Variants in ICMT observed in about 807,000 individuals in gnomAD.
The protein encoded by ICMT is isoprenylcysteine carboxyl methyltransferase.
ICMT carries 10 observed loss-of-function variants against 32.2 expected under a neutral mutation model. The observed-to-expected ratio is 0.31, with a 90% CI of 0.19 to 0.53. The LOEUF is 0.53. Among genes scored for constraint, ICMT ranks in the 20% least tolerant of loss-of-function variants. The pLI is 0.96. For synonymous variants in ICMT, 183 were observed against 158.2 expected (o/e 1.16, Z -1.18); for missense variants, 265 against 356.9 (o/e 0.74, Z 2.07).
rs1263064644 is a variant in ICMT at position 6,235,915 on chromosome 1, G to A, written c.-4C>T. The A allele has an allele frequency of 5.5e-6, 6 of 1,087,122 alleles. No homozygotes were observed. Among genetic ancestry groups the A allele is most frequent in the East Asian group, 5.3e-5 (1 of 18,852 alleles). The allele number at this position is 1,087,122 out of a possible 1,614,324, so 67.3% of individuals were successfully genotyped here. On this transcript the variant is annotated 5_prime_UTR_variant, in exon 1 of 5. Transcript: ENST00000343813. The stretch of plus-strand genomic sequence containing the variant: ...CCCGCGCCGCGCAGCCCGCCATGGC[G>A]CCGGGCGGCGGACTAGCGGGCGGCG...
intron 4 of ICMT, among the ~76,000 whole-genome samples, chr1:6,231,328 G>A (rs1668733086): frequency 6.6e-6 from 1 of 152,282 alleles, no homozygotes; most frequent in African/African-American, 2.4e-5. Flanking sequence ...GCTGCCACAT[G>A]AGTGACAGAG....
intron 1 of ICMT, 59 bp from the exon 2 acceptor site, chr1:6,235,033 T>C: frequency 7.1e-7 from 1 of 1,411,432 alleles, no homozygotes; most frequent in Non-Finnish European, 1.0e-6. Flanking sequence ...AGATCTGGGC[T>C]GCTGACCTTC....
In ICMT at chr1:6,226,201, G is replaced by C. The variant is rs1185200831; in HGVS notation, c.673-939C>G. Reference sequence around the variant, plus strand: ...ACCTGAGGTCAGGAGCTTGAGACAAGCTTGGCCAACATGGCGAATCCCCGT... The same window carrying C: ...ACCTGAGGTCAGGAGCTTGAGACAACCTTGGCCAACATGGCGAATCCCCGT... On this transcript the variant is annotated intron_variant, in intron 4 of 4. Coordinates refer to ENST00000343813, the MANE Select transcript of ICMT (RefSeq NM_012405.4). Among the ~76,000 whole-genome samples, 3 of 152,098 alleles carry C rather than the reference G, an allele frequency of 2.0e-5. No homozygotes were observed. The East Asian group carries it at 5.8e-4, about 29-fold the overall frequency.
Position 6,221,727 on chromosome 1 carries a change from C to A in ICMT, c.*3353G>T, listed in dbSNP as rs371754312. The A allele has an allele frequency of 6.6e-6, 1 of 152,306 alleles. No homozygotes were observed. The highest frequency in any genetic ancestry group is 1.5e-5 in the Non-Finnish European group (1 of 68,046). 9.4% of individuals were successfully genotyped at this position (152,306 alleles called of 1,614,324 possible). On this transcript the variant is annotated 3_prime_UTR_variant, in exon 5 of 5. Transcript: ENST00000343813. ...AAGCCTACTTTTTAGGCTCAAGGAG[C>A]AGCTCGTGAAGGGGTGGCAGGTGCG...
At chr1:6,226,638 A>G (rs1668649380) in intron 4 of ICMT, among the ~76,000 whole-genome samples, 2 of 152,326 alleles carry the variant, frequency 1.3e-5, no homozygotes, top group South Asian at 4.1e-4. Context: ...TTGAGCACTT[A>G]CTATGTTCCC....
intron 3 of ICMT, 89 bp downstream of exon 3, chr1:6,233,385 A>T: frequency 1.6e-6 from 2 of 1,219,224 alleles, no homozygotes; most frequent in Non-Finnish European, 2.3e-6. Context: ...GGGGGAGATT[A>T]GACCTGAAAG....
Position 6,235,880 on chromosome 1 carries a change from C to T in ICMT, c.32G>A (p.Gly11Asp). ...GGCGAGGCTGAGACGCGCCTCAGAGCCCGGCGGAGCCCGCGCCGCGCAGCC... is the reference window on the plus strand; with the variant it reads ...GGCGAGGCTGAGACGCGCCTCAGAGTCCGGCGGAGCCCGCGCCGCGCAGCC... MAGCAARAPPGSEARLSLATF... is the reference protein window; with the variant it reads MAGCAARAPPDSEARLSLATF... Residue 11 changes from glycine (G) to aspartate (D), a missense_variant, in exon 1 of 5, where the codon GGC becomes GAC. Around this residue, in one of 2 missense-constraint regions of ICMT, gnomAD observed 99 missense variants for 92.6 expected, o/e 1.07. Transcript: ENST00000343813. 1 of 1,141,698 alleles carries T rather than the reference C, an allele frequency of 8.8e-7. No individual in the cohort carries two copies. Among genetic ancestry groups the T allele is most frequent in the Non-Finnish European group, 1.1e-6 (1 of 931,724 alleles). 70.7% of individuals were successfully genotyped at this position (1,141,698 alleles called of 1,614,324 possible).
Position 6,235,862 on chromosome 1 carries a change from C to T in ICMT, c.50G>A (p.Ser17Asn), listed in dbSNP as rs767408689. ...RAPPGSEARL[S>N]LATFLLGASV... ...GGCGCCCAGCAGGAAGGTGGCGAGG[C>T]TGAGACGCGCCTCAGAGCCCGGCGG... is the stretch of plus-strand genomic sequence containing the variant. Residue 17 changes from serine (S) to asparagine (N), a missense_variant, in exon 1 of 5, where the codon AGC (serine) becomes AAC (asparagine). Ser to Asn is a conservative substitution (Grantham distance 46, BLOSUM62 1). Around this residue, in one of 2 missense-constraint regions of ICMT, gnomAD observed 99 missense variants for 92.6 expected, o/e 1.07. Transcript: ENST00000343813. 1 of 1,214,236 alleles carries T rather than the reference C, an allele frequency of 8.2e-7. No individual in the cohort carries two copies. The highest frequency in any genetic ancestry group is 4.3e-5 in the East Asian group (1 of 23,496). 75.2% of individuals were successfully genotyped at this position (1,214,236 alleles called of 1,614,324 possible).
At position 6,223,858 on chromosome 1, in the gene ICMT, C is replaced by T. The variant is rs1229695024; in HGVS notation, c.*1222G>A. The T allele has an allele frequency of 6.6e-6, 1 of 152,242 alleles. No homozygotes were observed. The highest frequency in any genetic ancestry group is 1.5e-5 in the Non-Finnish European group (1 of 68,046). The allele number at this position is 152,242 out of a possible 1,614,324, so 9.4% of individuals were successfully genotyped here. ...CCACCGCAACACTGCATGGCAGGAT[C>T]TCACGCTGAGGCCAAGTTCCTGTCT... On this transcript the variant is annotated 3_prime_UTR_variant, in exon 5 of 5. Coordinates refer to ENST00000343813, the MANE Select transcript of ICMT (RefSeq NM_012405.4).
rs564071041 is a variant in ICMT, at chr1:6,225,119, C to A, written c.816G>T (p.Thr272=). 1.9e-6 allele frequency: 3 copies of A among 1,613,956 alleles called. No individual in the cohort carries two copies. Among genetic ancestry groups the A allele is most frequent in the Admixed American group, 3.3e-5 (2 of 59,998 alleles). The part of the protein sequence containing the change: ...EYLEYKKRVP[T]GLPFIKGVKV... ...TGACCCCCTTTATGAAAGGCAGGCCCGTGGGCACCCTCTTCTTATACTCCA... is the reference window on the plus strand; with the variant it reads ...TGACCCCCTTTATGAAAGGCAGGCCAGTGGGCACCCTCTTCTTATACTCCA... The change falls in exon 5 of 5, where the codon ACG becomes ACT. Residue 272 remains threonine (T), a synonymous_variant. Coordinates refer to ENST00000343813, the MANE Select transcript of ICMT (RefSeq NM_012405.4).
At chr1:6,232,419 T>C (rs1571226647) in intron 3 of ICMT, among the ~76,000 whole-genome samples, 1 of 152,218 alleles carries the variant, frequency 6.6e-6, no homozygotes, top group East Asian at 1.9e-4. Flanking sequence ...TGCTCAGTCC[T>C]TCATCTGGGG....
rs1045309425 is a variant in ICMT at position 6,224,475 on chromosome 1, T to C, written c.*605A>G. 1 of 152,246 alleles carries C rather than the reference T, an allele frequency of 6.6e-6. No individual in the cohort carries two copies. Among genetic ancestry groups the C allele is most frequent in the Non-Finnish European group, 1.5e-5 (1 of 68,064 alleles). The allele number at this position is 152,246 out of a possible 1,614,324, so 9.4% of individuals were successfully genotyped here. ...CCAAGCATTGAGCTAGGAATACCCC[T>C]TTGAATGTGTACTGCTACTTATAAA... On this transcript the variant is annotated 3_prime_UTR_variant, in exon 5 of 5. Transcript: ENST00000343813.
chr1:6,228,221 G>A (rs1030185330), intron 4 of ICMT, among the ~76,000 whole-genome samples: 3 of 152,148 alleles, frequency 2.0e-5, no homozygotes, highest in South Asian at 2.1e-4. Flanking sequence ...CAATCAAAGC[G>A]ATCCTCCTGC....
At chr1:6,225,872 T>TC (rs1285343981) in intron 4 of ICMT, among the ~76,000 whole-genome samples, 1 of 151,738 alleles carries the variant, frequency 6.6e-6, no homozygotes, top group African/African-American at 2.4e-5. Context: ...CTCTTTTTTT[T>TC]CCCCCGAGAC....
chr1:6,234,269 T>G, intron 2 of ICMT: 1 of 353,808 alleles, frequency 2.8e-6, no homozygotes, highest in South Asian at 2.2e-5. Context: ...CTACACACAA[T>G]AAAACATGAA....
At position 6,225,001 on chromosome 1, in the gene ICMT, T is replaced by C. The variant is rs1051695982; in HGVS notation, c.*79A>G. Reference sequence around the variant, plus strand: ...CATAAAACGATTAAGAAAATCCATGTGGCAGCGGCCAACCGGAAACAGTTT... The same window carrying C: ...CATAAAACGATTAAGAAAATCCATGCGGCAGCGGCCAACCGGAAACAGTTT... On this transcript the variant is annotated 3_prime_UTR_variant, in exon 5 of 5. Transcript: ENST00000343813. 2 of 1,207,936 alleles carry C rather than the reference T, an allele frequency of 1.7e-6. No homozygotes were observed. Among genetic ancestry groups the C allele is most frequent in the African/African-American group, 3.1e-5 (2 of 65,482 alleles). The allele number at this position is 1,207,936 out of a possible 1,614,324, so 74.8% of individuals were successfully genotyped here. A position where few individuals can be genotyped will look rare whatever the true frequency, so the allele number is the denominator to read the frequency against.
At position 6,234,951 on chromosome 1, in the gene ICMT, C is replaced by T. The variant is rs1668797146; in HGVS notation, c.219G>A (p.Leu73=). The T allele has an allele frequency of 1.9e-6, 3 of 1,613,832 alleles. No individual in the cohort carries two copies. Among genetic ancestry groups the T allele is most frequent in the Non-Finnish European group, 2.5e-6 (3 of 1,179,984 alleles). Residue 73 remains leucine (L), a synonymous_variant, in exon 2 of 5, where the codon CTG becomes CTA. Transcript: ENST00000343813. ...RYQIAIRACF[L]GFVFGCGTLL... ...GCGTGCCGCAGCCGAACACAAACCCCAGGAAACAAGCTCGGATGGCTATCT... is the reference window on the plus strand; with the variant it reads ...GCGTGCCGCAGCCGAACACAAACCCTAGGAAACAAGCTCGGATGGCTATCT...
chr1:6,232,407 C>T (rs769463836), intron 3 of ICMT, among the ~76,000 whole-genome samples: 12 of 152,214 alleles, frequency 7.9e-5, no homozygotes, highest in Non-Finnish European at 1.8e-4. Flanking sequence ...CCCCCGGCCA[C>T]ATGCTCAGTC....
chr1:6,229,819 CACACAT>C (rs767857101), intron 4 of ICMT, among the ~76,000 whole-genome samples: 102 of 134,324 alleles, frequency 7.6e-4, no homozygotes, highest in African/African-American at 2.4e-3. Context: ...CACACACACA[CACACAT>C]AGAGCAGGTG....
Sources: allele counts gnomAD v4.1 joint callset (sites outside exome capture counted in the v4.1 genomes callset), GRCh38; gene constraint gnomAD v4.1.1; regional missense constraint gnomAD v4.1.1; transcripts MANE v1.5; gene names NCBI Gene and HGNC (gene_info 2026-07-23, HGNC 2026-07-21).